The following FAM83B variants were observed in gnomAD, a reference collection of about 807,000 sequenced individuals.
FAM83B encodes protein FAM83B.
FAM83B carries 26 observed loss-of-function variants against 38.8 expected under a neutral mutation model. That is an observed-to-expected ratio of 0.67 (90% CI 0.49 to 0.93). The LOEUF is 0.93. Among genes scored for constraint, FAM83B ranks in the 40% least tolerant of loss-of-function variants. The probability of loss-of-function intolerance (pLI) is 0.00; values close to 1 mark genes in which losing one functional copy is unlikely to be tolerated. For missense variants in FAM83B, 1,237 were observed against 1,197.3 expected, an observed-to-expected ratio of 1.03 and a Z score of -0.49; for synonymous variants, 419 against 423.1, an observed-to-expected ratio of 0.99 and a Z score of 0.12.
At position 54,941,103 on chromosome 6, in the gene FAM83B, A is replaced by C. The variant is rs1423169490; in HGVS notation, c.2132A>C (p.His711Pro). Residue 711 changes from histidine to proline, a missense_variant, in exon 5 of 5, where the codon CAC (histidine) becomes CCC (proline). By Grantham distance (77) the His-to-Pro change is moderately conservative (BLOSUM62 -2). Coordinates refer to ENST00000306858, the MANE Select transcript of FAM83B (RefSeq NM_001010872.3). ...TTGCTGAAAAGTTCTAAAAGCATGC[A>C]CAATGTGACTCATAACTTGGAGGAG... is the stretch of plus-strand genomic sequence containing the variant. ...EDLLKSSKSMHNVTHNLEEDE... is the reference protein window; with the variant it reads ...EDLLKSSKSMPNVTHNLEEDE... 6.2e-7 allele frequency: 1 copy of C among 1,613,484 alleles called. No homozygotes were observed.
At chr6:54,874,576 C>A (rs946880073) in intron 2 of FAM83B, among the ~76,000 whole-genome samples, 1 of 152,094 alleles carries the variant, frequency 6.6e-6, no homozygotes, top group Non-Finnish European at 1.5e-5. Flanking sequence ...CTTATGAAAA[C>A]ATCCCCTCTA....
intron 2 of FAM83B, among the ~76,000 whole-genome samples, chr6:54,914,129 T>A (rs570337408): frequency 1.9e-4 from 29 of 152,206 alleles, no homozygotes; most frequent in Middle Eastern, 3.4e-3. Flanking sequence ...TTCCCTCTCC[T>A]TTTTTGGTAA....
chr6:54,867,622 A>G lies in FAM83B; in HGVS notation c.-60-2565A>G, dbSNP rs553444806. Among the ~76,000 whole-genome samples the G allele has an allele frequency of 5.3e-5, 8 of 151,956 alleles. No homozygotes were observed. In the South Asian group the frequency reaches 1.5e-3, roughly 28 times the overall value. ...AAATAAGTTTCACTTCTTATTTCCA[A>G]TTTTTTTCTTCAGATTAATTTATCT... is the stretch of plus-strand genomic sequence containing the variant. On this transcript the variant is annotated intron_variant, in intron 1 of 4. Transcript: ENST00000306858.
intron 2 of FAM83B, among the ~76,000 whole-genome samples, chr6:54,913,054 C>G (rs72957235): frequency 6.6e-6 from 1 of 151,840 alleles, no homozygotes; most frequent in East Asian, 1.9e-4. Context: ...TTTTCCTTTG[C>G]AGTATATTTG....
chr6:54,875,851 T>G (rs1209887830), intron 2 of FAM83B, among the ~76,000 whole-genome samples: 2 of 152,186 alleles, frequency 1.3e-5, no homozygotes, highest in Non-Finnish European at 2.9e-5. Flanking sequence ...CAACAATTGC[T>G]GTGTCTGTAT....
At chr6:54,866,978 AT>A (rs991290350) in intron 1 of FAM83B, among the ~76,000 whole-genome samples, 2 of 151,442 alleles carry the variant, frequency 1.3e-5, no homozygotes, top group African/African-American at 2.4e-5. Flanking sequence ...GCAATTTTTA[AT>A]TTTTTTTGAG....
intron 2 of FAM83B, among the ~76,000 whole-genome samples, chr6:54,899,540 A>G (rs535635661): frequency 5.3e-5 from 8 of 152,264 alleles, no homozygotes; most frequent in South Asian, 4.1e-4. Flanking sequence ...TTTATTTCTC[A>G]CAATTCTGGA....
At chr6:54,910,206 T>A (rs1251961397) in intron 2 of FAM83B, among the ~76,000 whole-genome samples, 1 of 152,118 alleles carries the variant, frequency 6.6e-6, no homozygotes, top group African/African-American at 2.4e-5. Context: ...CCAGATGGAT[T>A]CTATCCAACA....
In FAM83B at chr6:54,943,716, T is replaced by C. The variant is rs1322306394; in HGVS notation, c.*1709T>C. On this transcript the variant is annotated 3_prime_UTR_variant, in exon 5 of 5. Coordinates refer to ENST00000306858, the MANE Select transcript of FAM83B (RefSeq NM_001010872.3). ...TAACCAAACTAGACTGACTTTGTTA[T>C]TACCCATTCTTTGTTAGTATTGGAT... 6.6e-6 allele frequency: 1 copy of C among 152,164 alleles called. No homozygotes were observed. Among genetic ancestry groups the C allele is most frequent in the Admixed American group, 6.5e-5 (1 of 15,272 alleles). The allele number at this position is 152,164 out of a possible 1,614,324, so 9.4% of individuals were successfully genotyped here. A position where few individuals can be genotyped will look rare whatever the true frequency, so the allele number is the denominator to read the frequency against.
intron 4 of FAM83B, among the ~76,000 whole-genome samples, chr6:54,938,453 A>C (rs1021666351): frequency 4.6e-5 from 7 of 152,168 alleles, no homozygotes; most frequent in African/African-American, 1.4e-4. Flanking sequence ...ACTGTTTTCC[A>C]TAGTGGTTTT....
At chr6:54,915,398 C>T (rs1042230670) in intron 2 of FAM83B, among the ~76,000 whole-genome samples, 6 of 152,190 alleles carry the variant, frequency 3.9e-5, no homozygotes, top group Admixed American at 2.6e-4. Context: ...AGTCTTGTCA[C>T]ATCATCCTTT....
chr6:54,877,194 G>C (rs1772017096), intron 2 of FAM83B, among the ~76,000 whole-genome samples: 1 of 152,224 alleles, frequency 6.6e-6, no homozygotes, highest in Non-Finnish European at 1.5e-5. Context: ...AAGGAACATG[G>C]AAGAAGAGAT....
intron 2 of FAM83B, among the ~76,000 whole-genome samples, chr6:54,876,923 A>G (rs1256048301): frequency 6.6e-6 from 1 of 152,194 alleles, no homozygotes; most frequent in African/African-American, 2.4e-5. Flanking sequence ...GGTTTAAAAT[A>G]AAAACCAAAC....
At chr6:54,896,282 A>T (rs959897733) in intron 2 of FAM83B, among the ~76,000 whole-genome samples, 15 of 152,238 alleles carry the variant, frequency 9.9e-5, no homozygotes, top group African/African-American at 1.2e-4. Context: ...TAATCTTAAC[A>T]TTCTACCTTT....
At chr6:54,919,036 C>T (rs961271729) in intron 2 of FAM83B, among the ~76,000 whole-genome samples, 2 of 152,010 alleles carry the variant, frequency 1.3e-5, no homozygotes, top group South Asian at 2.1e-4. Context: ...AGGGCCCATG[C>T]GTGGGACACT....
At chr6:54,900,272 T>C (rs1033196612) in intron 2 of FAM83B, among the ~76,000 whole-genome samples, 1 of 152,132 alleles carries the variant, frequency 6.6e-6, no homozygotes, top group Non-Finnish European at 1.5e-5. Flanking sequence ...GTTGGAGTGA[T>C]GAGAAAAGAG....
chr6:54,920,069 A>G (rs1031594618), intron 2 of FAM83B, among the ~76,000 whole-genome samples: 5 of 151,994 alleles, frequency 3.3e-5, no homozygotes, highest in Admixed American at 3.3e-4. Context: ...GCAATACTAT[A>G]GTGCACACAG....
At chr6:54,879,319 T>C (rs1772070997) in intron 2 of FAM83B, among the ~76,000 whole-genome samples, 1 of 152,100 alleles carries the variant, frequency 6.6e-6, no homozygotes, top group Admixed American at 6.6e-5. Flanking sequence ...GAATATGAGA[T>C]AAGAACATGA....
At position 54,917,351 on chromosome 6, in the gene FAM83B, GT is replaced by G. The variant is rs1401361243; in HGVS notation, c.445-9016del. Among the ~76,000 whole-genome samples the G allele has an allele frequency of 2.6e-5, 4 of 152,254 alleles. No homozygotes were observed. In the East Asian group the frequency reaches 7.7e-4, roughly 29 times the overall value. ...ACACGTGTTTAGAAAGATCAGATAT[GT>G]TTTAGTCTAACCCAGAGGTTTTATT... On this transcript the variant is annotated intron_variant, in intron 2 of 4. Transcript: ENST00000306858.
Sources: allele counts gnomAD v4.1 joint callset (sites outside exome capture counted in the v4.1 genomes callset), GRCh38; gene constraint gnomAD v4.1.1; transcripts MANE v1.5; gene names NCBI Gene and HGNC (gene_info 2026-07-23, HGNC 2026-07-21).